FMO3: variants seen among roughly 807,000 people sequenced by gnomAD.
The protein encoded by FMO3 is flavin-containing monooxygenase 3.
In FMO3, 40 loss-of-function variants were observed where a neutral mutation model predicts 39.4. The observed-to-expected ratio is 1.02, with a 90% CI of 0.79 to 1.32. FMO3 has a LOEUF of 1.32. FMO3 is among the 40% of genes most tolerant of loss of function. The pLI, the probability that FMO3 is intolerant of heterozygous loss-of-function variation, is 0.00. For synonymous variants in FMO3, 219 were observed against 228.8 expected, an observed-to-expected ratio of 0.96 and a Z score of 0.39; for missense variants, 680 against 651.8, an observed-to-expected ratio of 1.04 and a Z score of -0.47.
intron 2 of FMO3, chr1:171,100,118 G>A (rs1465580505): frequency 2.0e-5 from 3 of 152,094 alleles, no homozygotes; most frequent in African/African-American, 4.8e-5. Context: ...CTTAACCAAA[G>A]CCTCATACTC....
At chr1:171,110,481 G>T (rs1163893669) in intron 5 of FMO3, among the ~76,000 whole-genome samples, 1 of 152,126 alleles carries the variant, frequency 6.6e-6, no homozygotes, top group Admixed American at 6.6e-5. Flanking sequence ...AGGAAGGGAA[G>T]GAAGCTTCCA....
chr1:171,116,161 C>A, intron 7 of FMO3, 47 bp from the exon 8 acceptor site: 1 of 1,152,920 alleles, frequency 8.7e-7, no homozygotes, highest in South Asian at 1.2e-5. Context: ...CAGGCTGGTC[C>A]TATGCCAGAC....
intron 8 of FMO3, 142 bp from the exon 9 acceptor site, chr1:171,116,958 C>T (rs1447243486): frequency 8.7e-6 from 6 of 691,942 alleles, no homozygotes; most frequent in Non-Finnish European, 1.6e-5. Context: ...TGTTGTATGT[C>T]AGGGTAGTGT....
chr1:171,099,356 C>T (rs555014370), intron 2 of FMO3, among the ~76,000 whole-genome samples: 152 of 152,184 alleles, frequency 1.0e-3, no homozygotes, highest in African/African-American at 3.5e-3. Flanking sequence ...GTGTGAAACC[C>T]CCCAACATCT....
In FMO3 at chr1:171,117,397, T is replaced by G. The variant is rs759467634; in HGVS notation, c.1554T>G (p.Phe518Leu). The change falls in exon 9 of 9, where the codon TTT becomes TTG. Residue 518 changes from phenylalanine to leucine, a missense_variant. Coordinates refer to ENST00000367755, the MANE Select transcript of FMO3 (RefSeq NM_001002294.3). ...TCTTTTTCCATTGGCTGAAGCTCTT[T>G]GCAATTCCTATTCTGTTAATCGCTG... ...PCFFFHWLKL[F>L]AIPILLIAVF... The G allele has an allele frequency of 1.2e-6, 2 of 1,613,122 alleles. No homozygotes were observed. Among genetic ancestry groups the G allele is most frequent in the Non-Finnish European group, 1.7e-6 (2 of 1,179,772 alleles).
At chr1:171,091,117 T>G (rs1335266017) in intron 1 of FMO3, 136 bp downstream of exon 1, 1 of 151,950 alleles carries the variant, frequency 6.6e-6, no homozygotes, top group African/African-American at 2.4e-5. Context: ...TCCCAGCTAC[T>G]TGGGAGGCTG....
intron 2 of FMO3, among the ~76,000 whole-genome samples, chr1:171,098,149 T>C (rs1655189881): frequency 6.6e-6 from 1 of 152,232 alleles, no homozygotes; most frequent in South Asian, 2.1e-4. Context: ...CACTGGTTTA[T>C]ATCTCTGTTT....
At chr1:171,103,438 C>T (rs1322319419) in intron 2 of FMO3, among the ~76,000 whole-genome samples, 4 of 151,914 alleles carry the variant, frequency 2.6e-5, no homozygotes, top group African/African-American at 9.7e-5. Context: ...GCAAGTTCTG[C>T]ATCCACAGAT....
chr1:171,092,806 T>G lies in FMO3; in HGVS notation c.132+16T>G, dbSNP rs1654776552. ...GAAATTTTCAGTGAGTAGCATGTTG[T>G]TGTAATAGACAGGAAAATAGGTTGG... On this transcript the variant is annotated intron_variant, in intron 2 of 8. Coordinates refer to ENST00000367755, the MANE Select transcript of FMO3 (RefSeq NM_001002294.3). The G allele has an allele frequency of 6.2e-7, 1 of 1,613,396 alleles. No homozygotes were observed. The highest frequency in any genetic ancestry group is 1.1e-5 in the South Asian group (1 of 91,058).
At chr1:171,115,511 G>C (rs1488460329) in intron 7 of FMO3, among the ~76,000 whole-genome samples, 2 of 152,146 alleles carry the variant, frequency 1.3e-5, no homozygotes, top group Non-Finnish European at 2.9e-5. Context: ...AATTAAGCAA[G>C]CCATTGTAGG....
At chr1:171,096,964 C>T (rs1011973775) in intron 2 of FMO3, among the ~76,000 whole-genome samples, 13 of 150,976 alleles carry the variant, frequency 8.6e-5, no homozygotes, top group East Asian at 1.9e-4. Context: ...CAACAGGCCC[C>T]AGTGTGTGAT....
chr1:171,116,204 T>A lies in FMO3; in HGVS notation c.1184-4T>A, dbSNP rs1656142867. On this transcript the variant is annotated splice_polypyrimidine_tract_variant and splice_region_variant and intron_variant, in intron 7 of 8. Coordinates refer to ENST00000367755, the MANE Select transcript of FMO3 (RefSeq NM_001002294.3). ...TTACCATCGTGTCTTTCCTTCTTTATCAGGAACTTGTACTTTGCCTTCTAT... is the reference window on the plus strand; with the variant it reads ...TTACCATCGTGTCTTTCCTTCTTTAACAGGAACTTGTACTTTGCCTTCTAT... 6.3e-7 allele frequency: 1 copy of A among 1,588,900 alleles called. No individual in the cohort carries two copies.
intron 7 of FMO3, 48 bp from the exon 8 acceptor site, chr1:171,116,160 C>T (rs1571228358): frequency 8.8e-7 from 1 of 1,140,124 alleles, no homozygotes; most frequent in Middle Eastern, 2.4e-4. Context: ...ACAGGCTGGT[C>T]CTATGCCAGA....
intron 3 of FMO3, among the ~76,000 whole-genome samples, chr1:171,106,019 T>G (rs1407590452): frequency 6.6e-6 from 1 of 152,124 alleles, no homozygotes; most frequent in Non-Finnish European, 1.5e-5. Flanking sequence ...CCAACTCTTA[T>G]TATAAAAAAG....
intron 2 of FMO3, among the ~76,000 whole-genome samples, chr1:171,101,508 C>G (rs569770946): frequency 6.6e-6 from 1 of 152,272 alleles, no homozygotes; most frequent in African/African-American, 2.4e-5. Context: ...TATTTGCCTT[C>G]CCTTTGGTTT....
chr1:171,102,743 C>T (rs532616490), intron 2 of FMO3, among the ~76,000 whole-genome samples: 2 of 152,284 alleles, frequency 1.3e-5, no homozygotes, highest in African/African-American at 4.8e-5. Context: ...ATATCCTAAA[C>T]TTCTCATTAC....
chr1:171,098,399 A>G (rs1557935805), intron 2 of FMO3, among the ~76,000 whole-genome samples: 1 of 152,096 alleles, frequency 6.6e-6, no homozygotes, highest in Non-Finnish European at 1.5e-5. Flanking sequence ...CATTTTCACA[A>G]TATTGATTCT....
chr1:171,108,872 A>G (rs1655771191), intron 5 of FMO3, among the ~76,000 whole-genome samples: 1 of 152,190 alleles, frequency 6.6e-6, no homozygotes, highest in African/African-American at 2.4e-5. Context: ...GATGCTTCAC[A>G]AAGGAGGTAG....
At chr1:171,103,757 G>A (rs575295688) in intron 2 of FMO3, 28 bp from the exon 3 acceptor site, 21 of 1,571,214 alleles carry the variant, frequency 1.3e-5, no homozygotes, top group Admixed American at 1.7e-5. Flanking sequence ...TTACCAATTC[G>A]CTTCCATTTG....
Sources: allele counts gnomAD v4.1 joint callset (sites outside exome capture counted in the v4.1 genomes callset), GRCh38; gene constraint gnomAD v4.1.1; transcripts MANE v1.5; gene names NCBI Gene and HGNC (gene_info 2026-07-23, HGNC 2026-07-21).